Variants in KCNT2 observed in about 807,000 individuals in gnomAD.
KCNT2 encodes the protein potassium channel subfamily T member 2.
In KCNT2, 67 loss-of-function variants were observed where a neutral mutation model predicts 153.8. That is an observed-to-expected ratio of 0.44 (90% CI 0.36 to 0.53). The LOEUF (loss-of-function observed/expected upper bound fraction) is 0.53, where lower values mean the gene tolerates loss of function less well. Ranked by LOEUF, KCNT2 falls within the 20% of genes least tolerant of loss-of-function variation. KCNT2 has a pLI of 0.00. For missense variants in KCNT2, 975 were observed against 1,354.8 expected (o/e 0.72, Z 4.40); for synonymous variants, 500 against 458.8 (o/e 1.09, Z -1.15).
At chr1:196,312,614 A>G (rs1366257149) in intron 21 of KCNT2, among the ~76,000 whole-genome samples, 2 of 151,668 alleles carry the variant, frequency 1.3e-5, no homozygotes, top group Non-Finnish European at 2.9e-5. Flanking sequence ...TCATCACCTA[A>G]GCTTTGGTTT....
At chr1:196,403,637 T>G (rs531605824) in intron 12 of KCNT2, among the ~76,000 whole-genome samples, 1 of 150,942 alleles carries the variant, frequency 6.6e-6, no homozygotes, top group Admixed American at 6.6e-5. Context: ...AATAGGAAAA[T>G]GGGGTGTAGG....
At chr1:196,340,848 T>G (rs1665554581) in intron 15 of KCNT2, among the ~76,000 whole-genome samples, 1 of 151,958 alleles carries the variant, frequency 6.6e-6, no homozygotes. Flanking sequence ...TTTTGCGAAT[T>G]TTTACAACAA....
At chr1:196,345,915 G>A (rs1441099161) in intron 14 of KCNT2, among the ~76,000 whole-genome samples, 2 of 152,074 alleles carry the variant, frequency 1.3e-5, no homozygotes, top group African/African-American at 4.8e-5. Flanking sequence ...AATACAAAAT[G>A]TTAAATAAAA....
chr1:196,378,941 G>A (rs570793549), intron 13 of KCNT2, among the ~76,000 whole-genome samples: 2 of 148,952 alleles, frequency 1.3e-5, no homozygotes, highest in South Asian at 2.1e-4. Context: ...AGTAATAGAC[G>A]CTCTTATTCC....
At chr1:196,342,420 C>CTATATATATATATATATATATG (rs1665733727) in intron 14 of KCNT2, among the ~76,000 whole-genome samples, 192 bp from the exon 15 acceptor site, 1 of 132,756 alleles carries the variant, frequency 7.5e-6, no homozygotes, top group African/African-American at 3.0e-5. Flanking sequence ...ATTTTGAATA[C>CTATATATATATATATATATATG]TATATATATA....
intron 1 of KCNT2, among the ~76,000 whole-genome samples, chr1:196,542,534 C>T (rs2148876333): frequency 6.6e-6 from 1 of 152,170 alleles, no homozygotes; most frequent in Non-Finnish European, 1.5e-5. Context: ...TACAGTACAC[C>T]TTTCTTGTAT....
At chr1:196,589,815 T>A (rs549530045) in intron 1 of KCNT2, among the ~76,000 whole-genome samples, 2 of 63,126 alleles carry the variant, frequency 3.2e-5, no homozygotes, top group African/African-American at 5.9e-5. Flanking sequence ...AAGAGTTTTT[T>A]AATTTATGCA....
At chr1:196,311,643 T>C (rs1179054657) in intron 21 of KCNT2, among the ~76,000 whole-genome samples, 2 of 151,832 alleles carry the variant, frequency 1.3e-5, no homozygotes, top group South Asian at 2.1e-4. Context: ...CTAAACATTA[T>C]ATTCTGTGTG....
At chr1:196,460,859 C>G (rs183682350) in intron 8 of KCNT2, among the ~76,000 whole-genome samples, 32 of 151,704 alleles carry the variant, frequency 2.1e-4, no homozygotes, top group Admixed American at 1.1e-3. Context: ...CCTCCTTTTA[C>G]ATTTCTCACT....
chr1:196,565,815 G>A (rs1486110378), intron 1 of KCNT2, among the ~76,000 whole-genome samples: 1 of 151,634 alleles, frequency 6.6e-6, no homozygotes, highest in African/African-American at 2.4e-5. Context: ...ACTAGAGGAT[G>A]TGGGTGGGGA....
intron 1 of KCNT2, among the ~76,000 whole-genome samples, chr1:196,506,177 G>A (rs115550758): frequency 0.019 from 2,958 of 152,166 alleles, 33 homozygotes; most frequent in Middle Eastern, 0.034. Flanking sequence ...CATGAGCTTC[G>A]TATATGCATT....
intron 1 of KCNT2, among the ~76,000 whole-genome samples, chr1:196,506,627 G>A (rs1255348658): frequency 6.6e-6 from 1 of 152,078 alleles, no homozygotes; most frequent in Non-Finnish European, 1.5e-5. Flanking sequence ...TTCTAAATCA[G>A]TTTTCCACCT....
intron 5 of KCNT2, among the ~76,000 whole-genome samples, chr1:196,472,711 C>T (rs938094864): frequency 6.6e-6 from 1 of 152,178 alleles, no homozygotes; most frequent in African/African-American, 2.4e-5. Flanking sequence ...TTTACATTTT[C>T]CTTTCACACT....
intron 1 of KCNT2, among the ~76,000 whole-genome samples, chr1:196,556,483 A>G (rs1426129396): frequency 6.6e-6 from 1 of 151,476 alleles, no homozygotes; most frequent in African/African-American, 2.4e-5. Context: ...GCTTTTTTCC[A>G]AAAGTCAGCA....
intron 1 of KCNT2, among the ~76,000 whole-genome samples, chr1:196,599,443 T>C (rs1206715387): frequency 6.6e-6 from 1 of 152,220 alleles, no homozygotes; most frequent in Admixed American, 6.5e-5. Context: ...TTTACTGTTT[T>C]CTGGCTTTAT....
chr1:196,346,101 G>C lies in KCNT2; in HGVS notation c.1404-3873C>G, dbSNP rs192225840. 2.7e-3 allele frequency among the ~76,000 whole-genome samples: 404 copies of C among 151,948 alleles called. 7 individuals carry two copies. Among genetic ancestry groups the C allele is most frequent in the Admixed American group, 0.025 (374 of 15,234 alleles). On this transcript the variant is annotated intron_variant, in intron 14 of 27. Transcript: ENST00000294725. Reference sequence around the variant, plus strand: ...ATATTCTTATACCTTTTGAATGTCTGAAATATTTTCTAATAAATAAAAAAT... The same window carrying C: ...ATATTCTTATACCTTTTGAATGTCTCAAATATTTTCTAATAAATAAAAAAT...
At chr1:196,390,724 A>G (rs375180580) in intron 13 of KCNT2, among the ~76,000 whole-genome samples, 18 of 151,428 alleles carry the variant, frequency 1.2e-4, no homozygotes, top group African/African-American at 4.3e-4. Flanking sequence ...TTAATTCACA[A>G]TCACATGTAC....
intron 6 of KCNT2, 35 bp from the exon 7 acceptor site, chr1:196,467,821 T>C (rs907844821): frequency 5.8e-6 from 8 of 1,377,518 alleles, no homozygotes; most frequent in Non-Finnish European, 8.2e-6. Context: ...TAGACTTTTA[T>C]CTCAAAGCAA....
chr1:196,301,736 GATTTATTT>G (rs1009972686), intron 22 of KCNT2, among the ~76,000 whole-genome samples: 2 of 151,970 alleles, frequency 1.3e-5, no homozygotes, highest in African/African-American at 4.8e-5. Flanking sequence ...GTTTATTTCT[GATTTATTT>G]ATTTATTTAT....
Sources: gnomAD v4.1 joint callset for allele counts (sites outside exome capture counted in the v4.1 genomes callset) on GRCh38, gnomAD v4.1.1 for gene constraint, MANE v1.5 for transcripts, NCBI Gene and HGNC (gene_info 2026-07-23, HGNC 2026-07-21) for gene names.